LRRTM3: variants seen among roughly 807,000 people sequenced by gnomAD.
LRRTM3 encodes the protein leucine-rich repeat transmembrane neuronal protein 3.
Under a neutral mutation model 44.7 loss-of-function variants are expected in LRRTM3, and 24 were observed. The observed-to-expected ratio is 0.54, with a 90% confidence interval of 0.39 to 0.76. The LOEUF (loss-of-function observed/expected upper bound fraction) is 0.76. Ranked by LOEUF, LRRTM3 falls within the 30% of genes least tolerant of loss-of-function variation. The pLI, the probability that LRRTM3 is intolerant of heterozygous loss-of-function variation, is 0.00. For missense variants in LRRTM3, 587 were observed against 702.2 expected, an observed-to-expected ratio of 0.84 and a Z score of 1.85; for synonymous variants, 277 against 278.7, an observed-to-expected ratio of 0.99 and a Z score of 0.06.
In LRRTM3 at chr10:66,981,009, T is replaced by C. The variant is rs1474312045; in HGVS notation, c.1536+52557T>C. Among the ~76,000 whole-genome samples, 4 of 152,068 alleles carry C rather than the reference T, an allele frequency of 2.6e-5. No homozygotes were observed. In the East Asian group the frequency reaches 7.7e-4, roughly 29 times the overall value. On this transcript the variant is annotated intron_variant, in intron 2 of 2. Transcript: ENST00000361320. ...CCAACCTCCACCTCCCGGGTTCAAG[T>C]GATTCTCTTGCCTCAGCCTCCCTAG...
chr10:67,079,983 G>C (rs1163134971), intron 2 of LRRTM3, among the ~76,000 whole-genome samples: 1 of 152,040 alleles, frequency 6.6e-6, no homozygotes, highest in Non-Finnish European at 1.5e-5. Flanking sequence ...GCTGTAGTTA[G>C]AGGAGGGTGG....
chr10:67,099,428 AC>A lies in LRRTM3; in HGVS notation c.*1633del, dbSNP rs1858206073. 1 of 151,776 alleles carries A rather than the reference AC, an allele frequency of 6.6e-6. No individual in the cohort carries two copies. Among genetic ancestry groups the A allele is most frequent in the Admixed American group, 6.6e-5 (1 of 15,182 alleles). The allele number at this position is 151,776 out of a possible 1,614,324, so 9.4% of individuals were successfully genotyped here. A position where few individuals can be genotyped will look rare whatever the true frequency, so the allele number is the denominator to read the frequency against. The stretch of plus-strand genomic sequence containing the variant: ...ATGCCATCAAAAGTAGATTGACAAT[AC>A]ATCAATCTAACAGGGGCCAATCAAA... On this transcript the variant is annotated 3_prime_UTR_variant, in exon 3 of 3. Transcript: ENST00000361320.
At chr10:66,961,981 G>A (rs537448278) in intron 2 of LRRTM3, among the ~76,000 whole-genome samples, 1 of 152,256 alleles carries the variant, frequency 6.6e-6, no homozygotes, top group South Asian at 2.1e-4. Context: ...ACTCCACGCT[G>A]TAAATGTAAC....
chr10:67,008,257 T>C (rs1442405172), intron 2 of LRRTM3, among the ~76,000 whole-genome samples: 1 of 152,138 alleles, frequency 6.6e-6, no homozygotes, highest in Non-Finnish European at 1.5e-5. Flanking sequence ...TATCCTAACT[T>C]CCATCAATTT....
rs549200131 is a variant in LRRTM3, at chr10:67,009,752, C to A, written c.1536+81300C>A. On this transcript the variant is annotated intron_variant, in intron 2 of 2. Transcript: ENST00000361320. ...GCAGTCTCTTGTTTCTCTTGCTAGA[C>A]TTTTTTACTCCATTCCTCTGTCACC... Among the ~76,000 whole-genome samples, 6 of 152,202 alleles carry A rather than the reference C, an allele frequency of 3.9e-5. No homozygotes were observed. The South Asian group carries it at 1.2e-3, about 32-fold the overall frequency.
At chr10:67,002,385 C>A (rs1174665334) in intron 2 of LRRTM3, among the ~76,000 whole-genome samples, 7 of 152,056 alleles carry the variant, frequency 4.6e-5, no homozygotes, top group Non-Finnish European at 7.4e-5. Context: ...TATTGAAAGG[C>A]TTTCTGTAAA....
In LRRTM3 at chr10:67,099,016, A is replaced by G. The variant is rs1858176403; in HGVS notation, c.*1220A>G. 1 of 151,852 alleles carries G rather than the reference A, an allele frequency of 6.6e-6. No individual in the cohort carries two copies. Among genetic ancestry groups the G allele is most frequent in the South Asian group, 2.1e-4 (1 of 4,830 alleles). 9.4% of individuals were successfully genotyped at this position (151,852 alleles called of 1,614,324 possible). ...AACATGTACAGCTCATTCAATATAG[A>G]TATGAGCCATGGTGGAGAACTTTAT... On this transcript the variant is annotated 3_prime_UTR_variant, in exon 3 of 3. Transcript: ENST00000361320.
intron 2 of LRRTM3, among the ~76,000 whole-genome samples, chr10:67,030,268 T>C (rs1853634700): frequency 6.6e-6 from 1 of 152,202 alleles, no homozygotes; most frequent in Non-Finnish European, 1.5e-5. Flanking sequence ...TGTTAAACAA[T>C]GTTTAAAGTT....
chr10:66,966,713 G>T (rs2132804810), intron 2 of LRRTM3, among the ~76,000 whole-genome samples: 1 of 152,062 alleles, frequency 6.6e-6, no homozygotes, highest in East Asian at 1.9e-4. Flanking sequence ...CACAAGTTTT[G>T]GGGTGATCAC....
chr10:67,088,375 C>T (rs1190748683), intron 2 of LRRTM3, among the ~76,000 whole-genome samples: 2 of 151,726 alleles, frequency 1.3e-5, no homozygotes, highest in African/African-American at 2.4e-5. Flanking sequence ...TGCATATAGC[C>T]AATCCATATT....
At chr10:67,045,663 C>T (rs921027416) in intron 2 of LRRTM3, among the ~76,000 whole-genome samples, 2 of 152,172 alleles carry the variant, frequency 1.3e-5, no homozygotes, top group African/African-American at 4.8e-5. Flanking sequence ...GCACTGGACC[C>T]TAGTCCTGGC....
intron 2 of LRRTM3, among the ~76,000 whole-genome samples, chr10:66,949,439 T>C (rs1848428126): frequency 6.6e-6 from 1 of 152,082 alleles, no homozygotes; most frequent in Non-Finnish European, 1.5e-5. Context: ...ATGCCTGTAA[T>C]CCCAGCTACT....
At chr10:67,059,938 T>G (rs1399362339) in intron 2 of LRRTM3, among the ~76,000 whole-genome samples, 1 of 152,160 alleles carries the variant, frequency 6.6e-6, no homozygotes, top group Non-Finnish European at 1.5e-5. Context: ...ACTGTTTCTG[T>G]TTCTAAGATT....
intron 2 of LRRTM3, among the ~76,000 whole-genome samples, chr10:67,060,775 G>C (rs1442532819): frequency 6.6e-6 from 1 of 152,184 alleles, no homozygotes; most frequent in Non-Finnish European, 1.5e-5. Flanking sequence ...GTTCCTGAGT[G>C]ACTATGGTCC....
intron 2 of LRRTM3, among the ~76,000 whole-genome samples, chr10:67,030,225 C>T (rs2133106507): frequency 6.6e-6 from 1 of 152,324 alleles, no homozygotes; most frequent in Middle Eastern, 3.4e-3. Flanking sequence ...AGCAGCTTCA[C>T]TTTAAAGCAT....
At chr10:66,982,041 G>A (rs1259679491) in intron 2 of LRRTM3, among the ~76,000 whole-genome samples, 2 of 152,154 alleles carry the variant, frequency 1.3e-5, no homozygotes, top group African/African-American at 4.8e-5. Context: ...CTTTAATGAT[G>A]AGGCAAGGGG....
At chr10:67,096,026 C>T (rs769043546) in intron 2 of LRRTM3, among the ~76,000 whole-genome samples, 5 of 151,696 alleles carry the variant, frequency 3.3e-5, no homozygotes, top group Admixed American at 1.3e-4. Context: ...CTTTCATTCA[C>T]GCATCAGATA....
chr10:66,988,996 A>G (rs748411701), intron 2 of LRRTM3, among the ~76,000 whole-genome samples: 3 of 149,470 alleles, frequency 2.0e-5, no homozygotes, highest in Non-Finnish European at 4.4e-5. Context: ...GTTTCCTCTC[A>G]CTTAAAAAAA....
intron 2 of LRRTM3, among the ~76,000 whole-genome samples, chr10:66,965,572 T>A (rs1849368552): frequency 1.3e-5 from 2 of 150,234 alleles, no homozygotes; most frequent in Non-Finnish European, 1.5e-5. Context: ...GCTGTTTTTT[T>A]TTTTTTTGTA....
Sources: allele counts gnomAD v4.1 joint callset (sites outside exome capture counted in the v4.1 genomes callset), GRCh38; gene constraint gnomAD v4.1.1; transcripts MANE v1.5; gene names NCBI Gene and HGNC (gene_info 2026-07-23, HGNC 2026-07-21).